The following RYR2 variants were observed in gnomAD, a reference collection of about 807,000 sequenced individuals.
RYR2 encodes the protein ryanodine receptor 2, also known as cardiac muscle ryanodine receptor-calcium release channel.
Under a neutral mutation model 601.1 loss-of-function variants are expected in RYR2, and 227 were observed. That is an observed-to-expected ratio of 0.38 (90% CI 0.34 to 0.42). The LOEUF (loss-of-function observed/expected upper bound fraction) is 0.42. Among genes scored for constraint, RYR2 ranks in the 10% least tolerant of loss-of-function variants. The probability of loss-of-function intolerance (pLI) is 1.00; values close to 1 mark genes in which losing one functional copy is unlikely to be tolerated. For synonymous variants in RYR2, 2,223 were observed against 2,175.1 expected (o/e 1.02, Z -0.61); for missense variants, 4,646 against 6,156.5 (o/e 0.75, Z 8.21).
intron 1 of RYR2, among the ~76,000 whole-genome samples, chr1:237,247,393 T>A (rs906788479): frequency 1.3e-5 from 2 of 152,168 alleles, no homozygotes; most frequent in East Asian, 3.9e-4. Flanking sequence ...CACCTATTCA[T>A]TGTGGAAAGA....
At chr1:237,303,144 T>C (rs1390675609) in intron 2 of RYR2, among the ~76,000 whole-genome samples, 3 of 152,216 alleles carry the variant, frequency 2.0e-5, no homozygotes, top group Non-Finnish European at 4.4e-5. Flanking sequence ...AGCTGCCATT[T>C]ATACACGTGG....
At position 237,049,791 on chromosome 1, in the gene RYR2, C is replaced by A. The variant is rs568427478; in HGVS notation, c.48+7222C>A. Among the ~76,000 whole-genome samples the A allele has an allele frequency of 2.0e-5, 3 of 152,200 alleles. No individual in the cohort carries two copies. The South Asian group carries it at 6.2e-4, about 32-fold the overall frequency. ...AGAAGAATTCTCTCATGTCAGTAGC[C>A]CTCTTAGGGACTACTTAGGTTCGGA... On this transcript the variant is annotated intron_variant, in intron 1 of 104. Coordinates refer to ENST00000366574, the MANE Select transcript of RYR2 (RefSeq NM_001035.3).
intron 1 of RYR2, among the ~76,000 whole-genome samples, chr1:237,150,642 A>C (rs1410421149): frequency 1.3e-5 from 2 of 152,196 alleles, no homozygotes; most frequent in Admixed American, 6.5e-5. Flanking sequence ...AAAAAACTAG[A>C]GGTAGAACAT....
rs766360881 is a variant in RYR2 at position 237,387,274 on chromosome 1, G to A, written c.577-7G>A. 6.2e-7 allele frequency: 1 copy of A among 1,613,826 alleles called. No individual in the cohort carries two copies. Among genetic ancestry groups the A allele is most frequent in the Non-Finnish European group, 8.5e-7 (1 of 1,179,756 alleles). ...GAAGTGATGCCTCCTTTTGCCTCTT[G>A]ATACAGCACTTGTCTTATGGCAACG... On this transcript the variant is annotated splice_polypyrimidine_tract_variant and splice_region_variant and intron_variant, in intron 8 of 104. Transcript: ENST00000366574.
chr1:237,138,224 G>A (rs1441908326), intron 1 of RYR2, among the ~76,000 whole-genome samples: 1 of 152,028 alleles, frequency 6.6e-6, no homozygotes, highest in African/African-American at 2.4e-5. Context: ...GTAGAAACGA[G>A]GTTTTGCCAT....
chr1:237,801,372 A>C (rs1659946214), intron 97 of RYR2, among the ~76,000 whole-genome samples: 1 of 59,182 alleles, frequency 1.7e-5, no homozygotes, highest in African/African-American at 4.7e-5. Context: ...CTCTACAAAA[A>C]AAAAAAAAAA....
intron 71 of RYR2, among the ~76,000 whole-genome samples, chr1:237,716,448 A>G (rs771056827): frequency 2.3e-4 from 35 of 152,172 alleles, no homozygotes; most frequent in Non-Finnish European, 4.4e-4. Context: ...TGGGACAATT[A>G]TTTTAATTTT....
At chr1:237,711,356 A>T (rs1688824218) in intron 70 of RYR2, among the ~76,000 whole-genome samples, 1 of 152,354 alleles carries the variant, frequency 6.6e-6, no homozygotes, top group Middle Eastern at 3.4e-3. Context: ...CAGGTAAAAA[A>T]TCTGACAGAA....
intron 63 of RYR2, among the ~76,000 whole-genome samples, chr1:237,688,889 ATATCCTTCT>A (rs1383900497): frequency 8.5e-5 from 13 of 152,258 alleles, no homozygotes; most frequent in African/African-American, 3.1e-4. Context: ...TGCTTATTGT[ATATCCTTCT>A]TTTCCTGTTA....
At chr1:237,316,934 C>G (rs935439703) in intron 2 of RYR2, among the ~76,000 whole-genome samples, 1 of 151,992 alleles carries the variant, frequency 6.6e-6, no homozygotes, top group Non-Finnish European at 1.5e-5. Flanking sequence ...AAACTGCAGC[C>G]CCAGCTTAGA....
At position 237,141,002 on chromosome 1, in the gene RYR2, A is replaced by G. The variant is rs531089061; in HGVS notation, c.48+98433A>G. ...TATTGTCCTGTTTAAGGACATTTAT[A>G]TTGTTTCATTTTAAAATTTTTCTCA... On this transcript the variant is annotated intron_variant, in intron 1 of 104. Transcript: ENST00000366574. Among the ~76,000 whole-genome samples, 3 of 152,300 alleles carry G rather than the reference A, an allele frequency of 2.0e-5. No homozygotes were observed. In the South Asian group the frequency reaches 6.2e-4, roughly 32 times the overall value.
At chr1:237,555,113 A>G (rs762909074) in intron 27 of RYR2, 1 of 152,112 alleles carries the variant, frequency 6.6e-6, no homozygotes, top group Non-Finnish European at 1.5e-5. Flanking sequence ...TTAATGTTCA[A>G]TCACAGTATC....
intron 21 of RYR2, 35 bp from the exon 22 acceptor site, chr1:237,503,254 G>C (rs1403254388): frequency 6.5e-6 from 10 of 1,537,018 alleles, no homozygotes; most frequent in East Asian, 4.8e-5. Context: ...ATGTACACCA[G>C]AGATAAAATT....
intron 4 of RYR2, among the ~76,000 whole-genome samples, chr1:237,357,774 G>A (rs180984371): frequency 7.0e-4 from 107 of 152,176 alleles, no homozygotes; most frequent in African/African-American, 2.4e-3. Context: ...TTTATTGGCC[G>A]TAATCTCTTT....
intron 88 of RYR2, among the ~76,000 whole-genome samples, chr1:237,779,382 TA>T (rs1032291371): frequency 2.0e-5 from 3 of 152,212 alleles, no homozygotes; most frequent in Non-Finnish European, 4.4e-5. Flanking sequence ...AACAAAAAGA[TA>T]CACAAACAGA....
chr1:237,811,139 T>C (rs1032819903), intron 100 of RYR2, among the ~76,000 whole-genome samples: 2 of 152,192 alleles, frequency 1.3e-5, no homozygotes, highest in Non-Finnish European at 2.9e-5. Context: ...CACCATGTTA[T>C]AGAAGATAAT....
chr1:237,343,571 G>A (rs1021842159), intron 3 of RYR2, among the ~76,000 whole-genome samples: 8 of 152,026 alleles, frequency 5.3e-5, no homozygotes, highest in African/African-American at 1.7e-4. Context: ...ATGTACCAAG[G>A]TCAGCGATTA....
chr1:237,637,606 T>G (rs1162465814), intron 44 of RYR2, among the ~76,000 whole-genome samples: 1 of 152,208 alleles, frequency 6.6e-6, no homozygotes, highest in East Asian at 1.9e-4. Flanking sequence ...TTTCTCTACG[T>G]ATTTTCTCAC....
chr1:237,326,923 G>A (rs1395714039), intron 2 of RYR2, among the ~76,000 whole-genome samples: 3 of 152,070 alleles, frequency 2.0e-5, no homozygotes, highest in Non-Finnish European at 4.4e-5. Flanking sequence ...TTTATTTTTG[G>A]GAAGTGGGAA....
Sources: gnomAD v4.1 joint callset for allele counts (sites outside exome capture counted in the v4.1 genomes callset) on GRCh38, gnomAD v4.1.1 for gene constraint, MANE v1.5 for transcripts, NCBI Gene and HGNC (gene_info 2026-07-23, HGNC 2026-07-21) for gene names.